The following TNFRSF8 variants were observed in gnomAD, a reference collection of about 807,000 sequenced individuals.
TNFRSF8 encodes tumor necrosis factor receptor superfamily member 8.
A neutral mutation model predicts 70.8 loss-of-function variants in TNFRSF8; 26 were observed. The ratio of observed to expected loss-of-function variants is 0.37; its 90% CI spans 0.27 to 0.51. TNFRSF8 has a LOEUF of 0.51. Among genes scored for constraint, TNFRSF8 ranks in the 20% least tolerant of loss-of-function variants. The pLI is 0.94. For missense variants in TNFRSF8, 720 were observed against 807.9 expected (o/e 0.89, Z 1.32); for synonymous variants, 356 against 339.2 (o/e 1.05, Z -0.54).
chr1:12,134,979 G>C (rs1026849438), intron 12 of TNFRSF8, among the ~76,000 whole-genome samples: 1 of 152,132 alleles, frequency 6.6e-6, no homozygotes, highest in Admixed American at 6.6e-5. Flanking sequence ...GGGGGTGGGG[G>C]TTGGGAGAGT....
At position 12,110,351 on chromosome 1, in the gene TNFRSF8, G is replaced by T; in HGVS notation, c.676+147G>T. The stretch of plus-strand genomic sequence containing the variant: ...AGACGGTGGTAAGGTATGATCTAGG[G>T]CTGAAAGCATTGAGGGGCAGAGGTA... On this transcript the variant is annotated intron_variant, in intron 6 of 14. Transcript: ENST00000263932. The surrounding 1 kb of genome is among the most constrained non-coding windows in gnomAD (Gnocchi z 4.0). 1.2e-6 allele frequency: 1 copy of T among 865,426 alleles called. No homozygotes were observed. The highest frequency in any genetic ancestry group is 1.7e-6 in the Non-Finnish European group (1 of 594,504). 53.6% of individuals were successfully genotyped at this position (865,426 alleles called of 1,614,324 possible). A position where few individuals can be genotyped will look rare whatever the true frequency, so the allele number is the denominator to read the frequency against.
Position 12,135,594 on chromosome 1 carries a change from G to A in TNFRSF8, c.1316G>A (p.Arg439Lys). 1 of 1,614,114 alleles carries A rather than the reference G, an allele frequency of 6.2e-7. No homozygotes were observed. Among genetic ancestry groups the A allele is most frequent in the Non-Finnish European group, 8.5e-7 (1 of 1,180,010 alleles). ...CTGCTCTTGCTTTTTGCAGATTCCA[G>A]ACCCAGGAGGAGCTCAACGGTAAGT... ...SQPKLELVDS[R>K]PRRSSTQLRS... Residue 439 changes from arginine to lysine, a missense_variant, in exon 13 of 15, where the codon AGA (arginine) becomes AAA (lysine). Transcript: ENST00000263932.
intron 3 of TNFRSF8, among the ~76,000 whole-genome samples, chr1:12,099,907 A>G (rs569166944): frequency 1.3e-5 from 2 of 152,112 alleles, no homozygotes; most frequent in Non-Finnish European, 2.9e-5. Context: ...AGTGACTCAC[A>G]CCTGTAATGC....
intron 8 of TNFRSF8, 89 bp downstream of exon 8, chr1:12,115,818 G>A: frequency 6.8e-7 from 1 of 1,469,604 alleles, no homozygotes; most frequent in Non-Finnish European, 9.3e-7. Context: ...CAGGGGTGGA[G>A]GCAAATGACC....
At chr1:12,079,949 ATTT>A (rs111729252) in intron 1 of TNFRSF8, among the ~76,000 whole-genome samples, 2,502 of 127,022 alleles carry the variant, frequency 0.02, 200 homozygotes, top group Admixed American at 0.17. Flanking sequence ...TTAATTCTCT[ATTT>A]TTTTTTTTTT....
rs1641189969 is a variant in TNFRSF8, at chr1:12,088,326, C to A, written c.151+3775C>A. ...GCCACTGTGCTGGGCCCTTTACCGA[C>A]CTTAAGTTCCTTCAATCCTGATAAG... is the stretch of plus-strand genomic sequence containing the variant. On this transcript the variant is annotated intron_variant, in intron 2 of 14. Transcript: ENST00000263932. The surrounding 1 kb of genome is among the most constrained non-coding windows in gnomAD (Gnocchi z 4.0). Among the ~76,000 whole-genome samples the A allele has an allele frequency of 9.4e-6, 1 of 106,338 alleles. No individual in the cohort carries two copies. The highest frequency in any genetic ancestry group is 3.1e-4 in the South Asian group (1 of 3,232). 69.8% of individuals were successfully genotyped at this position (106,338 alleles called of 152,430 possible). A position where few individuals can be genotyped will look rare whatever the true frequency, so the allele number is the denominator to read the frequency against.
chr1:12,078,707 C>A (rs539353383), intron 1 of TNFRSF8, among the ~76,000 whole-genome samples: 1 of 152,318 alleles, frequency 6.6e-6, no homozygotes, highest in Non-Finnish European at 1.5e-5. Flanking sequence ...CTAACACTGA[C>A]CAGCTGTGTG....
chr1:12,099,698 A>G (rs571055694), intron 3 of TNFRSF8, among the ~76,000 whole-genome samples: 1 of 151,882 alleles, frequency 6.6e-6, no homozygotes, highest in African/African-American at 2.4e-5. Context: ...CAAGCATCCT[A>G]GATTAGTGTA....
chr1:12,099,541 C>A (rs751961710), intron 3 of TNFRSF8, among the ~76,000 whole-genome samples: 4 of 152,154 alleles, frequency 2.6e-5, no homozygotes, highest in Non-Finnish European at 5.9e-5. Flanking sequence ...CCTCAGCCTC[C>A]CGAGTAGCTG....
chr1:12,074,312 C>G (rs912207593), intron 1 of TNFRSF8, among the ~76,000 whole-genome samples: 2 of 151,488 alleles, frequency 1.3e-5, no homozygotes, highest in Non-Finnish European at 2.9e-5. Context: ...CAGAATCTCA[C>G]TCTGTCACCC....
chr1:12,066,006 C>T (rs1007405396), intron 1 of TNFRSF8, among the ~76,000 whole-genome samples: 5 of 152,206 alleles, frequency 3.3e-5, no homozygotes, highest in Non-Finnish European at 7.3e-5. Context: ...TTTACCCTCC[C>T]GCTAGCAGTG....
rs762490984 is a variant in TNFRSF8 at position 12,110,055 on chromosome 1, A to G, written c.527A>G (p.Gln176Arg). 1 of 1,612,864 alleles carries G rather than the reference A, an allele frequency of 6.2e-7. No homozygotes were observed. Among genetic ancestry groups the G allele is most frequent in the South Asian group, 1.1e-5 (1 of 90,912 alleles). Residue 176 changes from glutamine to arginine, a missense_variant, in exon 6 of 15, where the codon CAG becomes CGG. Coordinates refer to ENST00000263932, the MANE Select transcript of TNFRSF8 (RefSeq NM_001243.5). This position sits in a 1 kb window ranked among gnomAD's most constrained non-coding sequence, Gnocchi z 4.0. Reference sequence around the variant, plus strand: ...TTCTTCCCCAGTGGCACCATCCCCCAGGCCAAGCCCACCCCGGTGTCCCCA... The same window carrying G: ...TTCTTCCCCAGTGGCACCATCCCCCGGGCCAAGCCCACCCCGGTGTCCCCA... ...CKEPSSGTIPQAKPTPVSPAT... is the reference protein window; with the variant it reads ...CKEPSSGTIPRAKPTPVSPAT...
At chr1:12,094,617 T>G (rs903685282) in intron 2 of TNFRSF8, among the ~76,000 whole-genome samples, 1 of 150,802 alleles carries the variant, frequency 6.6e-6, no homozygotes, top group Non-Finnish European at 1.5e-5. Context: ...AAGCTAGTTT[T>G]TTTTTTTTTT....
Position 12,113,228 on chromosome 1 carries a change from C to T in TNFRSF8, c.793+1214C>T, listed in dbSNP as rs773240971. On this transcript the variant is annotated intron_variant, in intron 7 of 14. Transcript: ENST00000263932. The surrounding 1 kb of genome is among the most constrained non-coding windows in gnomAD (Gnocchi z 4.9). Reference sequence around the variant, plus strand: ...ACCTGCCTTGGGGTTGATGTTGGCTCCTGGCTGCAGCCTTGGTTCCCTTCC... The same window carrying T: ...ACCTGCCTTGGGGTTGATGTTGGCTTCTGGCTGCAGCCTTGGTTCCCTTCC... Among the ~76,000 whole-genome samples the T allele has an allele frequency of 6.6e-6, 1 of 152,216 alleles. No individual in the cohort carries two copies. The highest frequency in any genetic ancestry group is 1.5e-5 in the Non-Finnish European group (1 of 68,046).
At position 12,143,785 on chromosome 1, in the gene TNFRSF8, A is replaced by T. The variant is rs1642306449; in HGVS notation, c.*1254A>T. 6.6e-6 allele frequency: 1 copy of T among 151,802 alleles called. No homozygotes were observed. The highest frequency in any genetic ancestry group is 1.5e-5 in the Non-Finnish European group (1 of 67,994). 9.4% of individuals were successfully genotyped at this position (151,802 alleles called of 1,614,324 possible). ...TCTTGGAGTTGCGGGCAGCCTGGAG[A>T]CTCGTGGACTTACCGCCTGGAGGCA... On this transcript the variant is annotated 3_prime_UTR_variant, in exon 15 of 15. Transcript: ENST00000263932. The surrounding 1 kb of genome is among the most constrained non-coding windows in gnomAD (Gnocchi z 4.1).
intron 12 of TNFRSF8, among the ~76,000 whole-genome samples, chr1:12,129,047 C>A (rs1641997857): frequency 6.6e-6 from 1 of 151,772 alleles, no homozygotes; most frequent in African/African-American, 2.4e-5. Flanking sequence ...GTTGGCCAGG[C>A]TGGTCTCAAA....
In TNFRSF8 at chr1:12,110,004, G is replaced by A; in HGVS notation, c.513-37G>A. The A allele has an allele frequency of 6.2e-7, 1 of 1,604,276 alleles. No individual in the cohort carries two copies. The highest frequency in any genetic ancestry group is 8.5e-7 in the Non-Finnish European group (1 of 1,175,244). On this transcript the variant is annotated intron_variant, in intron 5 of 14. Transcript: ENST00000263932. The surrounding 1 kb of genome is among the most constrained non-coding windows in gnomAD (Gnocchi z 4.0). ...AGCACAGGCCTCCCTTGCCCCATTG[G>A]CAGAATTATCAGTCCCATCTCTGGC...
chr1:12,106,853 C>T lies in TNFRSF8; in HGVS notation c.421+2322C>T, dbSNP rs142216732. 3.2e-3 allele frequency among the ~76,000 whole-genome samples: 493 copies of T among 152,352 alleles called. 3 individuals are homozygous for T. Among genetic ancestry groups the T allele is most frequent in the African/African-American group, 0.011 (460 of 41,576 alleles). On this transcript the variant is annotated intron_variant, in intron 4 of 14. Transcript: ENST00000263932. The stretch of plus-strand genomic sequence containing the variant: ...CCATCTCTCAAATGAGGAGGTATAA[C>T]TGAAGGCCTTGGGGGCCTCTCCAAA...
Position 12,110,583 on chromosome 1 carries a change from C to T in TNFRSF8, c.676+379C>T, listed in dbSNP as rs548994301. On this transcript the variant is annotated intron_variant, in intron 6 of 14. Transcript: ENST00000263932. This position sits in a 1 kb window ranked among gnomAD's most constrained non-coding sequence, Gnocchi z 4.0. The stretch of plus-strand genomic sequence containing the variant: ...CCTCCTGGTCTCCATGGCGAAGGGT[C>T]GACCCTCAGTCATTTTTCTTTTTCT... Among the ~76,000 whole-genome samples the T allele has an allele frequency of 6.6e-6, 1 of 152,068 alleles. No homozygotes were observed. Among genetic ancestry groups the T allele is most frequent in the Non-Finnish European group, 1.5e-5 (1 of 68,004 alleles).
Sources: allele counts gnomAD v4.1 joint callset (sites outside exome capture counted in the v4.1 genomes callset), GRCh38; gene constraint gnomAD v4.1.1; non-coding constraint Gnocchi (gnomAD v3.1); transcripts MANE v1.5; gene names NCBI Gene and HGNC (gene_info 2026-07-23, HGNC 2026-07-21).